Variants in PLCG2 observed in about 807,000 individuals in gnomAD.
PLCG2 encodes the protein phospholipase C gamma 2.
PLCG2 carries 69 observed loss-of-function variants against 175.6 expected under a neutral mutation model. The observed-to-expected ratio is 0.39, with a 90% CI of 0.32 to 0.48. PLCG2 has a LOEUF of 0.48. Ranked by LOEUF, PLCG2 falls within the 20% of genes least tolerant of loss-of-function variation. PLCG2 has a pLI of 0.91. For missense variants in PLCG2, 1,798 were observed against 1,650.9 expected (o/e 1.09, Z -1.54); for synonymous variants, 827 against 624.0 (o/e 1.33, Z -4.85).
At chr16:81,754,077 G>T (rs1356331415) in intron 1 of PLCG2, among the ~76,000 whole-genome samples, 2 of 152,040 alleles carry the variant, frequency 1.3e-5, no homozygotes, top group East Asian at 3.9e-4. Context: ...AGGCCTGAAA[G>T]GACTTCGCTC....
At chr16:81,787,706 C>T (rs1911044788) in intron 2 of PLCG2, among the ~76,000 whole-genome samples, 1 of 152,032 alleles carries the variant, frequency 6.6e-6, no homozygotes, top group Non-Finnish European at 1.5e-5. Flanking sequence ...AGATGAAACC[C>T]CATACCTTTC....
chr16:81,935,482 T>C, intron 26 of PLCG2: 1 of 971,346 alleles, frequency 1.0e-6, no homozygotes, highest in African/African-American at 1.8e-5. Flanking sequence ...TTGATGATGC[T>C]GTACGTATTT....
chr16:81,927,517 G>A (rs566947541), intron 23 of PLCG2, among the ~76,000 whole-genome samples: 10 of 152,336 alleles, frequency 6.6e-5, no homozygotes, highest in African/African-American at 2.4e-4. Flanking sequence ...TGGACAGCCA[G>A]ACATTGAGAA....
Position 81,926,886 on chromosome 16 carries a change from C to G in PLCG2, c.2418-196C>G, listed in dbSNP as rs112545988. Among the ~76,000 whole-genome samples the G allele has an allele frequency of 0.019, 2,836 of 152,304 alleles. 81 individuals are homozygous for G. The highest frequency in any genetic ancestry group is 0.065 in the African/African-American group (2,699 of 41,560). On this transcript the variant is annotated intron_variant, in intron 22 of 32. Transcript: ENST00000564138. ...TGGGGGTAAAATCAGCCCCCAGTAA[C>G]TCATTAGTAATTAAAAAATAAAAAG... is the stretch of plus-strand genomic sequence containing the variant.
At chr16:81,744,774 C>G (rs1411809134) in intron 1 of PLCG2, among the ~76,000 whole-genome samples, 1 of 151,828 alleles carries the variant, frequency 6.6e-6, no homozygotes, top group African/African-American at 2.4e-5. Flanking sequence ...CTATGTTGCC[C>G]AGGCTGATCT....
chr16:81,958,305 C>G lies in PLCG2; in HGVS notation c.*307C>G. The stretch of plus-strand genomic sequence containing the variant: ...CAATGAAAACCTTGATCAATTAAGC[C>G]TTCTGTTGCACGACCTGTGCAGTGA... On this transcript the variant is annotated 3_prime_UTR_variant, in exon 33 of 33. Coordinates refer to ENST00000564138, the MANE Select transcript of PLCG2 (RefSeq NM_002661.5). The G allele has an allele frequency of 5.0e-6, 2 of 396,172 alleles. No homozygotes were observed. Among genetic ancestry groups the G allele is most frequent in the Non-Finnish European group, 9.2e-6 (2 of 218,196 alleles). 24.5% of individuals were successfully genotyped at this position (396,172 alleles called of 1,614,324 possible). A position where few individuals can be genotyped will look rare whatever the true frequency, so the allele number is the denominator to read the frequency against.
At chr16:81,783,354 G>A (rs772843899) in intron 1 of PLCG2, among the ~76,000 whole-genome samples, 5 of 152,136 alleles carry the variant, frequency 3.3e-5, no homozygotes, top group Non-Finnish European at 5.9e-5. Context: ...TGTGCACAAC[G>A]TGCAGGTTTG....
At chr16:81,861,164 AC>A (rs1906962785) in intron 5 of PLCG2, among the ~76,000 whole-genome samples, 1 of 152,164 alleles carries the variant, frequency 6.6e-6, no homozygotes, top group African/African-American at 2.4e-5. Flanking sequence ...CACGTGAGGC[AC>A]CTTATTTTTT....
In PLCG2 at chr16:81,895,636, G is replaced by A. The variant is rs185215805; in HGVS notation, c.1073-171G>A. The stretch of plus-strand genomic sequence containing the variant: ...ACAGCTGCACTTGCATTATGTAAGC[G>A]CACAGGGAACCCTGCGGATACAGGG... On this transcript the variant is annotated intron_variant, in intron 12 of 32. Transcript: ENST00000564138. The A allele has an allele frequency of 1.1e-3, 699 of 632,888 alleles. 3 individuals are homozygous for A. The African/African-American group carries it at 0.011, about 10-fold the overall frequency. The allele number at this position is 632,888 out of a possible 1,614,324, so 39.2% of individuals were successfully genotyped here.
chr16:81,814,781 T>A, intron 2 of PLCG2, among the ~76,000 whole-genome samples: 1 of 152,202 alleles, frequency 6.6e-6, no homozygotes, highest in East Asian at 1.9e-4. Context: ...TGTCTCACTG[T>A]TCCCTTGCTG....
intron 30 of PLCG2, among the ~76,000 whole-genome samples, chr16:81,940,991 G>A (rs1910916915): frequency 6.6e-6 from 1 of 152,144 alleles, no homozygotes; most frequent in Non-Finnish European, 1.5e-5. Flanking sequence ...AGAGGTCACT[G>A]TTCCCTTGTT....
At chr16:81,866,136 A>G (rs1301192268) in intron 5 of PLCG2, among the ~76,000 whole-genome samples, 6 of 102,828 alleles carry the variant, frequency 5.8e-5, no homozygotes, top group East Asian at 3.1e-4. Flanking sequence ...TCCCAGGGTG[A>G]GCTCCAACTG....
intron 2 of PLCG2, among the ~76,000 whole-genome samples, chr16:81,841,175 C>T (rs1428451745): frequency 1.3e-5 from 2 of 152,032 alleles, no homozygotes; most frequent in African/African-American, 2.4e-5. Context: ...AGGGCAGGCC[C>T]ACCCCCTATC....
chr16:81,860,169 A>ATTT (rs1375490447), intron 5 of PLCG2, among the ~76,000 whole-genome samples: 18 of 93,368 alleles, frequency 1.9e-4, no homozygotes, highest in East Asian at 7.3e-4. Context: ...TATTATTATT[A>ATTT]TTATTTTTTT....
chr16:81,895,883 C>T lies in PLCG2; in HGVS notation c.1149C>T (p.Asp383=), dbSNP rs1143688. 0.38 allele frequency: 612,750 copies of T among 1,613,436 alleles called. 124,140 individuals carry two copies. Among genetic ancestry groups the T allele is most frequent in the East Asian group, 0.7 (31,548 of 44,826 alleles). Residue 383 remains aspartate (D), a synonymous_variant, in exon 13 of 33, where the codon GAC becomes GAT. Transcript: ENST00000564138. ...CGCGGACTACCAAGATCAAGTTTGACGACGTCGTGCAGGCCATCAAAGACC... is the reference window on the plus strand; with the variant it reads ...CGCGGACTACCAAGATCAAGTTTGATGACGTCGTGCAGGCCATCAAAGACC... ...GWTRTTKIKF[D]DVVQAIKDHA... is the part of the protein sequence containing the mutation.
chr16:81,852,072 G>A, intron 2 of PLCG2: 1 of 152,428 alleles, frequency 6.6e-6, no homozygotes, highest in Non-Finnish European at 1.5e-5. Flanking sequence ...TCTTCTTGCT[G>A]CAAAGCTGAG....
intron 1 of PLCG2, among the ~76,000 whole-genome samples, chr16:81,751,816 G>A (rs1909818071): frequency 6.6e-6 from 1 of 152,094 alleles, no homozygotes; most frequent in Non-Finnish European, 1.5e-5. Flanking sequence ...GAGGTCAGGA[G>A]TTCAAGAGCA....
At chr16:81,926,396 G>A (rs1369133330) in intron 22 of PLCG2, among the ~76,000 whole-genome samples, 2 of 152,196 alleles carry the variant, frequency 1.3e-5, no homozygotes, top group Non-Finnish European at 2.9e-5. Flanking sequence ...GTCTGGGCAC[G>A]GCCTTGCCGG....
At chr16:81,819,341 C>T (rs543015251) in intron 2 of PLCG2, among the ~76,000 whole-genome samples, 1 of 152,248 alleles carries the variant, frequency 6.6e-6, no homozygotes, top group South Asian at 2.1e-4. Flanking sequence ...ATTTTCAGAG[C>T]TCATTTCTGA....
Sources: gnomAD v4.1 joint callset for allele counts (sites outside exome capture counted in the v4.1 genomes callset) on GRCh38, gnomAD v4.1.1 for gene constraint, MANE v1.5 for transcripts, NCBI Gene and HGNC (gene_info 2026-07-23, HGNC 2026-07-21) for gene names.